The following PDS5A variants were observed in gnomAD, a reference collection of about 807,000 sequenced individuals.
PDS5A encodes sister chromatid cohesion protein PDS5 homolog A.
PDS5A carries 42 observed loss-of-function variants against 167.1 expected under a neutral mutation model. That is an observed-to-expected ratio of 0.25 (90% CI 0.20 to 0.33). PDS5A has a LOEUF of 0.33. Among genes scored for constraint, PDS5A ranks in the 10% least tolerant of loss-of-function variants. PDS5A has a pLI of 1.00. For missense variants in PDS5A, 1,033 were observed against 1,605.9 expected (o/e 0.64, Z 6.10); for synonymous variants, 553 against 554.6 (o/e 1.00, Z 0.04).
At chr4:39,946,346 T>C (rs1727767652) in intron 2 of PDS5A, among the ~76,000 whole-genome samples, 1 of 151,564 alleles carries the variant, frequency 6.6e-6, no homozygotes, top group Non-Finnish European at 1.5e-5. Context: ...ACAGTAAGTA[T>C]AGGGAAATTC....
chr4:39,882,571 CAT>C (rs1255156372), intron 17 of PDS5A, among the ~76,000 whole-genome samples: 1 of 152,142 alleles, frequency 6.6e-6, no homozygotes, highest in African/African-American at 2.4e-5. Flanking sequence ...TATGTAAATA[CAT>C]GTGATAGGTT....
At chr4:39,965,440 G>A (rs568599115) in intron 2 of PDS5A, among the ~76,000 whole-genome samples, 15 of 152,218 alleles carry the variant, frequency 9.9e-5, no homozygotes, top group African/African-American at 3.4e-4. Flanking sequence ...CTGAATTCCC[G>A]ATCCACAAAA....
intron 3 of PDS5A, among the ~76,000 whole-genome samples, chr4:39,927,663 T>A (rs1725588649): frequency 6.6e-6 from 1 of 152,210 alleles, no homozygotes; most frequent in Non-Finnish European, 1.5e-5. Flanking sequence ...AATCTGCTAT[T>A]TATCCCTGGA....
intron 30 of PDS5A, among the ~76,000 whole-genome samples, chr4:39,843,976 C>A (rs760943271): frequency 6.6e-6 from 1 of 151,746 alleles, no homozygotes; most frequent in African/African-American, 2.4e-5. Context: ...GAAACTCCAT[C>A]TTTATGAAAA....
intron 6 of PDS5A, among the ~76,000 whole-genome samples, chr4:39,921,498 G>A (rs1442909027): frequency 6.6e-6 from 1 of 151,404 alleles, no homozygotes; most frequent in Non-Finnish European, 1.5e-5. Context: ...CACTTCGGGA[G>A]GCTAAAACGG....
chr4:39,942,676 G>A lies in PDS5A; in HGVS notation c.139-14512C>T, dbSNP rs116645302. On this transcript the variant is annotated intron_variant, in intron 2 of 32. Transcript: ENST00000303538. ...CCTGGGCTCAAGCGATACACCTGCC[G>A]AGGCCTCCCAATGTGCTAGGACTAC... 5.9e-3 allele frequency among the ~76,000 whole-genome samples: 897 copies of A among 152,128 alleles called. 7 individuals are homozygous for A. Among genetic ancestry groups the A allele is most frequent in the African/African-American group, 0.02 (828 of 41,520 alleles).
chr4:39,917,290 C>G (rs1442565828), intron 7 of PDS5A, 102 bp from the exon 8 acceptor site: 1 of 704,264 alleles, frequency 1.4e-6, no homozygotes, highest in Non-Finnish European at 2.2e-6. Context: ...TTAGGTATTA[C>G]ATATACAATT....
At chr4:39,892,824 T>C (rs899886340) in intron 16 of PDS5A, among the ~76,000 whole-genome samples, 2 of 152,234 alleles carry the variant, frequency 1.3e-5, no homozygotes, top group Non-Finnish European at 2.9e-5. Context: ...ATGGAGAGAT[T>C]CATGATGCTA....
intron 32 of PDS5A, among the ~76,000 whole-genome samples, chr4:39,834,266 A>C (rs948688964): frequency 4.6e-5 from 7 of 152,080 alleles, no homozygotes; most frequent in Middle Eastern, 3.2e-3. Context: ...TCAAGAGTAA[A>C]GGTCATGGCA....
intron 26 of PDS5A, among the ~76,000 whole-genome samples, chr4:39,858,693 G>A (rs549596189): frequency 1.3e-4 from 19 of 151,964 alleles, no homozygotes; most frequent in African/African-American, 4.3e-4. Context: ...GTGTGACCTC[G>A]GCTCATTGCA....
chr4:39,935,222 T>C (rs1726481833), intron 2 of PDS5A, among the ~76,000 whole-genome samples: 1 of 152,156 alleles, frequency 6.6e-6, no homozygotes, highest in African/African-American at 2.4e-5. Flanking sequence ...ACCTCCTGCC[T>C]CAGCCTCCCA....
intron 17 of PDS5A, among the ~76,000 whole-genome samples, chr4:39,885,473 C>T (rs557385289): frequency 6.6e-6 from 1 of 151,812 alleles, no homozygotes; most frequent in South Asian, 2.1e-4. Context: ...AGCATGGTGA[C>T]GCACACCTAT....
chr4:39,940,374 TG>T (rs1263641636), intron 2 of PDS5A, among the ~76,000 whole-genome samples: 1 of 152,178 alleles, frequency 6.6e-6, no homozygotes, highest in African/African-American at 2.4e-5. Flanking sequence ...ACACAACTTC[TG>T]GGGGTGCTGA....
chr4:39,852,275 A>C (rs1281539246), intron 26 of PDS5A, among the ~76,000 whole-genome samples: 2 of 152,194 alleles, frequency 1.3e-5, no homozygotes, highest in Non-Finnish European at 2.9e-5. Context: ...AGATATTAAA[A>C]CAGCATTTTT....
chr4:39,896,426 A>G (rs1016677341), intron 16 of PDS5A, among the ~76,000 whole-genome samples: 14 of 151,374 alleles, frequency 9.2e-5, no homozygotes, highest in African/African-American at 3.4e-4. Context: ...GCTGTACACA[A>G]AATGGTTTCT....
intron 26 of PDS5A, among the ~76,000 whole-genome samples, chr4:39,851,730 C>A (rs538675875): frequency 6.6e-6 from 1 of 152,292 alleles, no homozygotes; most frequent in South Asian, 2.1e-4. Flanking sequence ...ATCTGAGCAA[C>A]TATATACTAA....
chr4:39,824,706 A>G lies in PDS5A; in HGVS notation c.*779T>C, dbSNP rs1715125255. On this transcript the variant is annotated 3_prime_UTR_variant, in exon 33 of 33. Transcript: ENST00000303538. ...TAATCACAGGAGTAAAAACCATTTTAAAGTGATATGCTTTATGAAACAAAC... is the reference window on the plus strand; with the variant it reads ...TAATCACAGGAGTAAAAACCATTTTGAAGTGATATGCTTTATGAAACAAAC... 1 of 152,796 alleles carries G rather than the reference A, an allele frequency of 6.5e-6. No individual in the cohort carries two copies. Among genetic ancestry groups the G allele is most frequent in the African/African-American group, 2.4e-5 (1 of 41,592 alleles). 9.5% of individuals were successfully genotyped at this position (152,796 alleles called of 1,614,324 possible).
chr4:39,879,566 T>A (rs560725161), intron 18 of PDS5A, among the ~76,000 whole-genome samples, 162 bp downstream of exon 18: 1 of 152,222 alleles, frequency 6.6e-6, no homozygotes, highest in African/African-American at 2.4e-5. Context: ...ATTATTATAT[T>A]ATGTTGTAAA....
intron 11 of PDS5A, among the ~76,000 whole-genome samples, chr4:39,905,090 G>C (rs1560470230): frequency 6.6e-6 from 1 of 152,056 alleles, no homozygotes; most frequent in Non-Finnish European, 1.5e-5. Context: ...CTTGAGCTCA[G>C]GACTTGGGGA....
Sources: gnomAD v4.1 joint callset for allele counts (sites outside exome capture counted in the v4.1 genomes callset) on GRCh38, gnomAD v4.1.1 for gene constraint, MANE v1.5 for transcripts, NCBI Gene and HGNC (gene_info 2026-07-23, HGNC 2026-07-21) for gene names.